CPEB3: variants seen among roughly 807,000 people sequenced by gnomAD.
CPEB3 encodes the protein cytoplasmic polyadenylation element binding protein 3, also known as cytoplasmic polyadenylation element-binding protein 3.
CPEB3 carries 20 observed loss-of-function variants against 67.2 expected under a neutral mutation model. The observed-to-expected ratio is 0.30, with a 90% CI of 0.21 to 0.43. The LOEUF (loss-of-function observed/expected upper bound fraction) is 0.43, where lower values mean the gene tolerates loss of function less well. Ranked by LOEUF, CPEB3 falls within the 20% of genes least tolerant of loss-of-function variation. The pLI is 1.00. For synonymous variants in CPEB3, 376 were observed against 393.1 expected, an observed-to-expected ratio of 0.96 and a Z score of 0.51; for missense variants, 746 against 968.6, an observed-to-expected ratio of 0.77 and a Z score of 3.05.
At chr10:92,114,816 A>G (rs1844922271) in intron 6 of CPEB3, among the ~76,000 whole-genome samples, 1 of 152,202 alleles carries the variant, frequency 6.6e-6, no homozygotes, top group African/African-American at 2.4e-5. Flanking sequence ...TGTCCCAATT[A>G]CCTTACAGAG....
At chr10:92,184,914 TTTC>T (rs1247925893) in intron 3 of CPEB3, among the ~76,000 whole-genome samples, 1 of 152,208 alleles carries the variant, frequency 6.6e-6, no homozygotes, top group Non-Finnish European at 1.5e-5. Flanking sequence ...TGTGTAAAGG[TTTC>T]TTTTCTAAAA....
chr10:92,182,721 G>C (rs1342866479), intron 3 of CPEB3, among the ~76,000 whole-genome samples: 2 of 151,762 alleles, frequency 1.3e-5, no homozygotes, highest in Non-Finnish European at 2.9e-5. Context: ...AGCTACTTGG[G>C]AGGCTGAGGC....
At chr10:92,058,274 A>G (rs1310829551) in intron 9 of CPEB3, among the ~76,000 whole-genome samples, 1 of 152,154 alleles carries the variant, frequency 6.6e-6, no homozygotes, top group East Asian at 1.9e-4. Flanking sequence ...GGCCGGGCAC[A>G]GTGGCTCACG....
chr10:92,246,544 G>T (rs185663537), intron 1 of CPEB3, among the ~76,000 whole-genome samples: 1,878 of 147,092 alleles, frequency 0.013, 15 homozygotes, highest in Non-Finnish European at 0.022. Context: ...GTCTCACTCT[G>T]TTGCCCAGGC....
chr10:92,055,439 G>A (rs1306043228), intron 9 of CPEB3, among the ~76,000 whole-genome samples: 1 of 152,152 alleles, frequency 6.6e-6, no homozygotes, highest in African/African-American at 2.4e-5. Flanking sequence ...AACATATCTT[G>A]AATGTTGATG....
At chr10:92,268,874 G>A (rs917703625) in intron 1 of CPEB3, among the ~76,000 whole-genome samples, 12 of 152,134 alleles carry the variant, frequency 7.9e-5, no homozygotes, top group African/African-American at 1.7e-4. Context: ...GAAACACTAC[G>A]AAACCAAGAT....
At chr10:92,268,190 T>C (rs1483054599) in intron 1 of CPEB3, among the ~76,000 whole-genome samples, 1 of 152,194 alleles carries the variant, frequency 6.6e-6, no homozygotes, top group Admixed American at 6.5e-5. Flanking sequence ...TTGACATGTT[T>C]GATTTATAGA....
intron 2 of CPEB3, among the ~76,000 whole-genome samples, chr10:92,199,784 A>G (rs1423780204): frequency 6.6e-6 from 1 of 151,862 alleles, no homozygotes; most frequent in Non-Finnish European, 1.5e-5. Context: ...ATTGGGAAAT[A>G]TGTCAGGTCC....
intron 1 of CPEB3, among the ~76,000 whole-genome samples, chr10:92,253,010 A>T (rs1852364239): frequency 6.6e-6 from 1 of 152,026 alleles, no homozygotes; most frequent in South Asian, 2.1e-4. Context: ...TGCAACCTCC[A>T]ACTTAAAGTT....
At chr10:92,132,544 A>G (rs1028853514) in intron 6 of CPEB3, among the ~76,000 whole-genome samples, 3 of 152,166 alleles carry the variant, frequency 2.0e-5, no homozygotes, top group Admixed American at 6.6e-5. Context: ...ACCTATATAA[A>G]AATTTATGTT....
rs765638656 is a variant in CPEB3, at chr10:92,192,546, C to T, written c.1096G>A (p.Gly366Ser). 29 of 1,613,778 alleles carry T rather than the reference C, an allele frequency of 1.8e-5. No individual in the cohort carries two copies. The highest frequency in any genetic ancestry group is 2.2e-5 in the Non-Finnish European group (26 of 1,179,872). Residue 366 changes from glycine to serine, a missense_variant, in exon 3 of 10, where the codon GGT becomes AGT. Around this residue, in one of 2 missense-constraint regions of CPEB3, gnomAD observed 643 missense variants for 717.5 expected, o/e 0.90. Coordinates refer to ENST00000265997, the MANE Select transcript of CPEB3 (RefSeq NM_014912.5). ...GGGCCACTGGGAGGGTAGTGTTTACCTTTCAGAGGTTCATGATCAGTCCTT... is the reference window on the plus strand; with the variant it reads ...GGGCCACTGGGAGGGTAGTGTTTACTTTTCAGAGGTTCATGATCAGTCCTT... ...MIRTDHEPLK[G>S]KHYPPSGPPM... is the part of the protein sequence containing the mutation.
chr10:92,239,458 C>T lies in CPEB3; in HGVS notation c.893G>A (p.Ser298Asn), dbSNP rs749958169. The T allele has an allele frequency of 1.3e-6, 2 of 1,597,614 alleles. No homozygotes were observed. The highest frequency in any genetic ancestry group is 1.7e-6 in the Non-Finnish European group (2 of 1,171,808). The change falls in exon 2 of 10, where the codon AGC becomes AAC. Residue 298 changes from serine to asparagine, a missense_variant. Ser to Asn is a conservative substitution (Grantham distance 46). This residue lies in a region of CPEB3 where 643 missense variants were observed against 717.5 expected (regional missense o/e 0.90). Coordinates refer to ENST00000265997, the MANE Select transcript of CPEB3 (RefSeq NM_014912.5). This position sits in a 1 kb window ranked among gnomAD's most constrained non-coding sequence, Gnocchi z 6.0. ...GAACTTGGGCGGCGCGATCACGTTGCTGGAGAAGGGCTTTTTGAGCGGCGA... is the reference window on the plus strand; with the variant it reads ...GAACTTGGGCGGCGCGATCACGTTGTTGGAGAAGGGCTTTTTGAGCGGCGA... ...PISPLKKPFSSNVIAPPKFPR... is the reference protein window; with the variant it reads ...PISPLKKPFSNNVIAPPKFPR...
chr10:92,276,475 C>T (rs1318356512), intron 1 of CPEB3, among the ~76,000 whole-genome samples: 5 of 151,684 alleles, frequency 3.3e-5, no homozygotes, highest in African/African-American at 4.8e-5. Context: ...GATGAGGTTT[C>T]GCCATGTTGG....
At chr10:92,276,270 T>C (rs1246339335) in intron 1 of CPEB3, among the ~76,000 whole-genome samples, 1 of 145,612 alleles carries the variant, frequency 6.9e-6, no homozygotes, top group Non-Finnish European at 1.5e-5. Context: ...CTGCTTTTTT[T>C]TCTTTTCTTT....
At chr10:92,288,472 A>C (rs1045588841) in intron 1 of CPEB3, among the ~76,000 whole-genome samples, 38 of 146,688 alleles carry the variant, frequency 2.6e-4, no homozygotes, top group African/African-American at 9.1e-4. Flanking sequence ...AAAAAAAAAA[A>C]CCCAGAATAA....
At chr10:92,081,861 C>T (rs1312323741) in intron 8 of CPEB3, among the ~76,000 whole-genome samples, 1 of 152,142 alleles carries the variant, frequency 6.6e-6, no homozygotes, top group Non-Finnish European at 1.5e-5. Context: ...GCTGCCCTAA[C>T]AAGTTAATAA....
intron 8 of CPEB3, among the ~76,000 whole-genome samples, chr10:92,089,323 A>G (rs902677032): frequency 6.6e-6 from 1 of 152,186 alleles, no homozygotes; most frequent in Admixed American, 6.5e-5. Flanking sequence ...GAATGGTAAA[A>G]TTCTAAGACA....
At chr10:92,070,653 T>C (rs1842716570) in intron 9 of CPEB3, among the ~76,000 whole-genome samples, 1 of 151,972 alleles carries the variant, frequency 6.6e-6, no homozygotes, top group Non-Finnish European at 1.5e-5. Context: ...GGTGGGTGCC[T>C]GTAATCCCAG....
chr10:92,070,409 C>T (rs1842709166), intron 9 of CPEB3, among the ~76,000 whole-genome samples: 1 of 152,100 alleles, frequency 6.6e-6, no homozygotes, highest in Non-Finnish European at 1.5e-5. Context: ...CACAGAGGAA[C>T]TAATTGTAGG....
Sources: gnomAD v4.1 joint callset for allele counts (sites outside exome capture counted in the v4.1 genomes callset) on GRCh38, gnomAD v4.1.1 for gene constraint, gnomAD v4.1.1 regional missense constraint, Gnocchi (gnomAD v3.1) non-coding constraint, MANE v1.5 for transcripts, NCBI Gene and HGNC (gene_info 2026-07-23, HGNC 2026-07-21) for gene names.